FHIT: variants seen among roughly 807,000 people sequenced by gnomAD.
FHIT encodes the protein fragile histidine triad diadenosine triphosphatase.
A neutral mutation model predicts 17.9 loss-of-function variants in FHIT; 19 were observed. That is an observed-to-expected ratio of 1.06 (90% CI 0.74 to 1.56). The LOEUF (loss-of-function observed/expected upper bound fraction) is 1.56. Among genes scored for constraint, FHIT ranks in the 40% most tolerant of loss-of-function variants. The probability of loss-of-function intolerance (pLI) is 0.00; values close to 1 mark genes in which losing one functional copy is unlikely to be tolerated. For synonymous variants in FHIT, 81 were observed against 69.7 expected (o/e 1.16, Z -0.81); for missense variants, 248 against 189.2 (o/e 1.31, Z -1.82).
intron 4 of FHIT, among the ~76,000 whole-genome samples, chr3:60,681,689 G>C (rs58745931): frequency 0.055 from 8,308 of 152,260 alleles, 307 homozygotes; most frequent in African/African-American, 0.1. Context: ...GGGAAAGTTT[G>C]AGTGGTCTGG....
chr3:61,041,342 A>G (rs2033504692), intron 3 of FHIT, among the ~76,000 whole-genome samples: 1 of 151,906 alleles, frequency 6.6e-6, no homozygotes, highest in Non-Finnish European at 1.5e-5. Context: ...ACGCCACTGC[A>G]CTGCAGCCTG....
intron 7 of FHIT, among the ~76,000 whole-genome samples, chr3:59,949,907 A>G (rs913116303): frequency 6.6e-6 from 1 of 152,218 alleles, no homozygotes; most frequent in Non-Finnish European, 1.5e-5. Context: ...TACAAATCAC[A>G]ACAACAATGC....
intron 5 of FHIT, among the ~76,000 whole-genome samples, chr3:60,137,467 C>T (rs1239574202): frequency 6.6e-6 from 1 of 152,200 alleles, no homozygotes; most frequent in Non-Finnish European, 1.5e-5. Context: ...AAACATCTTA[C>T]ATCTGTGATT....
intron 5 of FHIT, among the ~76,000 whole-genome samples, chr3:60,318,318 C>A (rs1435514659): frequency 1.3e-5 from 2 of 152,102 alleles, no homozygotes; most frequent in Non-Finnish European, 2.9e-5. Flanking sequence ...GATTTCTGAT[C>A]ATTTTATTTA....
intron 8 of FHIT, among the ~76,000 whole-genome samples, chr3:59,913,506 C>T (rs1199781202): frequency 6.6e-6 from 1 of 152,056 alleles, no homozygotes; most frequent in East Asian, 1.9e-4. Context: ...GAATGATATG[C>T]TTGGCACCTA....
chr3:60,224,432 A>G (rs964822820), intron 5 of FHIT, among the ~76,000 whole-genome samples: 1 of 152,200 alleles, frequency 6.6e-6, no homozygotes, highest in East Asian at 1.9e-4. Context: ...GCTTCCTTTC[A>G]AGACATATAA....
At chr3:61,211,444 G>A (rs1224751269) in intron 1 of FHIT, among the ~76,000 whole-genome samples, 4 of 152,228 alleles carry the variant, frequency 2.6e-5, no homozygotes, top group African/African-American at 9.6e-5. Context: ...CAGCAGCGAG[G>A]CTGGGGGAGG....
At chr3:60,914,937 T>C (rs1282640689) in intron 3 of FHIT, among the ~76,000 whole-genome samples, 3 of 152,092 alleles carry the variant, frequency 2.0e-5, no homozygotes, top group Non-Finnish European at 2.9e-5. Context: ...CCTTAGAAAA[T>C]AAAAATGGAA....
intron 8 of FHIT, among the ~76,000 whole-genome samples, chr3:59,903,985 G>A (rs369015217): frequency 1.3e-5 from 2 of 152,112 alleles, no homozygotes; most frequent in African/African-American, 4.8e-5. Context: ...CAGAACCCAG[G>A]AAGTATGAGT....
chr3:61,175,302 G>C (rs1052072081), intron 2 of FHIT, among the ~76,000 whole-genome samples: 3 of 152,006 alleles, frequency 2.0e-5, no homozygotes, highest in East Asian at 3.9e-4. Context: ...ATACTCCCGA[G>C]CCACCACAAA....
intron 4 of FHIT, among the ~76,000 whole-genome samples, chr3:60,769,210 T>C (rs1295219911): frequency 6.6e-6 from 1 of 152,168 alleles, no homozygotes; most frequent in Non-Finnish European, 1.5e-5. Flanking sequence ...TTGGCTGTGG[T>C]TCCAGTTAAA....
intron 5 of FHIT, among the ~76,000 whole-genome samples, chr3:60,327,962 A>G (rs1225949280): frequency 6.6e-6 from 1 of 152,222 alleles, no homozygotes; most frequent in Admixed American, 6.5e-5. Context: ...AGGGGAGGCC[A>G]CAGTGATCCC....
At chr3:60,379,312 G>C (rs889051835) in intron 5 of FHIT, among the ~76,000 whole-genome samples, 1 of 151,862 alleles carries the variant, frequency 6.6e-6, no homozygotes, top group Non-Finnish European at 1.5e-5. Flanking sequence ...CAACTTCCTA[G>C]ATGAAATAGG....
intron 7 of FHIT, among the ~76,000 whole-genome samples, chr3:59,937,667 C>A (rs1281681854): frequency 6.6e-6 from 1 of 152,138 alleles, no homozygotes; most frequent in African/African-American, 2.4e-5. Context: ...CTTGCTTTGA[C>A]CGTTACTACA....
rs138529780 is a variant in FHIT at position 61,039,603 on chromosome 3, A to G, written c.-111+2444T>C. Among the ~76,000 whole-genome samples, 784 of 152,286 alleles carry G rather than the reference A, an allele frequency of 5.1e-3. 6 individuals are homozygous for G. The highest frequency in any genetic ancestry group is 0.017 in the African/African-American group (724 of 41,548). On this transcript the variant is annotated intron_variant, in intron 3 of 9. Transcript: ENST00000492590. ...TCATTCTCAGCAAACTAACACAAGAACAGAAAACCAAACACCACATGTTCT... is the reference window on the plus strand; with the variant it reads ...TCATTCTCAGCAAACTAACACAAGAGCAGAAAACCAAACACCACATGTTCT...
At chr3:60,533,295 GTC>G (rs1369865530) in intron 5 of FHIT, among the ~76,000 whole-genome samples, 1 of 152,172 alleles carries the variant, frequency 6.6e-6, no homozygotes, top group Non-Finnish European at 1.5e-5. Context: ...GGCACATCCT[GTC>G]TCTCTATTCT....
At chr3:60,980,509 TAC>T in intron 3 of FHIT, among the ~76,000 whole-genome samples, 1 of 152,146 alleles carries the variant, frequency 6.6e-6, no homozygotes, top group East Asian at 1.9e-4. Flanking sequence ...CCCACCTACT[TAC>T]TGTGGGAAGT....
At chr3:59,870,167 ATACTC>A (rs1702854592) in intron 8 of FHIT, among the ~76,000 whole-genome samples, 1 of 152,106 alleles carries the variant, frequency 6.6e-6, no homozygotes. Flanking sequence ...TCCTAACTAT[ATACTC>A]TACCCCTGCA....
intron 4 of FHIT, among the ~76,000 whole-genome samples, chr3:60,580,203 C>T (rs1477442931): frequency 1.3e-5 from 2 of 152,118 alleles, no homozygotes; most frequent in Non-Finnish European, 2.9e-5. Flanking sequence ...TAAATGTCTA[C>T]AATTTGTGTC....
Sources: gnomAD v4.1 joint callset for allele counts (sites outside exome capture counted in the v4.1 genomes callset) on GRCh38, gnomAD v4.1.1 for gene constraint, MANE v1.5 for transcripts, NCBI Gene and HGNC (gene_info 2026-07-23, HGNC 2026-07-21) for gene names.